Variants in NFIC observed in about 807,000 individuals in gnomAD.
The protein encoded by NFIC is nuclear factor I C, also known as nuclear factor 1 C-type.
A neutral mutation model predicts 54.4 loss-of-function variants in NFIC; 12 were observed. The ratio of observed to expected loss-of-function variants is 0.22; its 90% CI spans 0.14 to 0.36. The LOEUF (loss-of-function observed/expected upper bound fraction) is 0.36. Ranked by LOEUF, NFIC falls within the 10% of genes least tolerant of loss-of-function variation. NFIC has a pLI of 1.00. For synonymous variants in NFIC, 322 were observed against 319.2 expected, an observed-to-expected ratio of 1.01 and a Z score of -0.09; for missense variants, 575 against 718.2, an observed-to-expected ratio of 0.80 and a Z score of 2.28.
intron 9 of NFIC, chr19:3,454,159 C>T (rs950433304): frequency 1.8e-4 from 226 of 1,271,580 alleles, no homozygotes; most frequent in Middle Eastern, 2.9e-4. Flanking sequence ...TCCCCTTCGC[C>T]GAGTCACCTG....
chr19:3,453,722 G>C lies in NFIC; in HGVS notation c.1270-41G>C. On this transcript the variant is annotated intron_variant, in intron 8 of 10. Coordinates refer to ENST00000443272, the MANE Select transcript of NFIC (RefSeq NM_001245002.2). The surrounding 1 kb of genome is among the most constrained non-coding windows in gnomAD (Gnocchi z 6.7). ...CGGCGCCAGCAGCCCGAGGTAGAGG[G>C]GGAGCCCACCCCTTAACCACGTGTC... The C allele has an allele frequency of 6.4e-7, 1 of 1,570,912 alleles. No homozygotes were observed. Among genetic ancestry groups the C allele is most frequent in the South Asian group, 1.2e-5 (1 of 85,196 alleles).
intron 6 of NFIC, among the ~76,000 whole-genome samples, chr19:3,446,131 CAGA>C (rs2082370869): frequency 6.6e-6 from 1 of 152,296 alleles, no homozygotes; most frequent in East Asian, 1.9e-4. Context: ...CACCAGACAC[CAGA>C]AGAAGCTCCT....
chr19:3,460,802 C>T (rs2082628136), intron 10 of NFIC, among the ~76,000 whole-genome samples: 2 of 152,052 alleles, frequency 1.3e-5, no homozygotes, highest in Non-Finnish European at 2.9e-5. Flanking sequence ...GCATGAGCCA[C>T]CGAGCCCAGC....
At chr19:3,438,563 G>T (rs1447799427) in intron 6 of NFIC, among the ~76,000 whole-genome samples, 1 of 150,896 alleles carries the variant, frequency 6.6e-6, no homozygotes, top group African/African-American at 2.4e-5. Flanking sequence ...TCAGCCTCCC[G>T]AGTAGCTGGG....
chr19:3,448,641 C>T (rs1244979064), intron 6 of NFIC, among the ~76,000 whole-genome samples: 2 of 152,170 alleles, frequency 1.3e-5, no homozygotes, highest in Non-Finnish European at 1.5e-5. Flanking sequence ...AACTGGACTT[C>T]GGATCTGACT....
chr19:3,366,696 G>A (rs772154540), intron 1 of NFIC, 30 bp downstream of exon 1: 2 of 1,338,788 alleles, frequency 1.5e-6, no homozygotes, highest in South Asian at 1.9e-5. Flanking sequence ...CCCCGCCGGC[G>A]CCCCCGCGCC....
chr19:3,411,396 C>T (rs1232782051), intron 2 of NFIC, among the ~76,000 whole-genome samples: 4 of 142,682 alleles, frequency 2.8e-5, no homozygotes, highest in Admixed American at 7.4e-5. Context: ...GGCACGATCT[C>T]GGTTCACTGC....
intron 1 of NFIC, among the ~76,000 whole-genome samples, chr19:3,368,116 A>G (rs920237083): frequency 2.0e-5 from 3 of 152,254 alleles, no homozygotes; most frequent in Admixed American, 6.5e-5. Flanking sequence ...TCCAAGAACA[A>G]CTAGGGTTCG....
At position 3,376,688 on chromosome 19, in the gene NFIC, C is replaced by T. The variant is rs76906413; in HGVS notation, c.31-5024C>T. 4.1e-3 allele frequency among the ~76,000 whole-genome samples: 625 copies of T among 152,168 alleles called. 3 individuals carry two copies. Among genetic ancestry groups the T allele is most frequent in the African/African-American group, 0.014 (566 of 41,522 alleles). On this transcript the variant is annotated intron_variant, in intron 1 of 10. Coordinates refer to ENST00000443272, the MANE Select transcript of NFIC (RefSeq NM_001245002.2). ...GTTCAGGGCCCAAGTGACCTAAGAT[C>T]GTGCCACTGCACTCCAGTGAGACGC...
chr19:3,366,316 A>T (rs2080881124), upstream of NFIC, among the ~76,000 whole-genome samples: 1 of 144,822 alleles, frequency 6.9e-6, no homozygotes, highest in Admixed American at 6.8e-5. Flanking sequence ...GTTTCTTTGA[A>T]AGTTGGGTGT....
At chr19:3,403,725 C>T (rs1162308871) in intron 2 of NFIC, among the ~76,000 whole-genome samples, 2 of 152,212 alleles carry the variant, frequency 1.3e-5, no homozygotes, top group Non-Finnish European at 2.9e-5. Flanking sequence ...CCAGCCTTGC[C>T]TCCCGTCCTC....
chr19:3,408,296 CCAAAAGATCAATT>C (rs1568428232), intron 2 of NFIC, among the ~76,000 whole-genome samples: 2 of 152,142 alleles, frequency 1.3e-5, no homozygotes, highest in African/African-American at 4.8e-5. Context: ...CTTCCTACAG[CCAAAAGATCAATT>C]CAATATGGCC....
intron 6 of NFIC, among the ~76,000 whole-genome samples, chr19:3,445,375 G>T (rs1599706481): frequency 6.6e-6 from 1 of 152,200 alleles, no homozygotes; most frequent in African/African-American, 2.4e-5. Flanking sequence ...ATCCCACTGG[G>T]CAGTGGGGCC....
chr19:3,422,127 G>A (rs1474517087), intron 2 of NFIC, among the ~76,000 whole-genome samples: 1 of 151,992 alleles, frequency 6.6e-6, no homozygotes, highest in African/African-American at 2.4e-5. Context: ...GTAGAGATGG[G>A]GTTTCACCAT....
chr19:3,418,364 C>T (rs1219308795), intron 2 of NFIC, among the ~76,000 whole-genome samples: 3 of 151,950 alleles, frequency 2.0e-5, no homozygotes, highest in Admixed American at 6.6e-5. Context: ...TCCAAAGTAC[C>T]GAGATTACAG....
In NFIC at chr19:3,453,994, G is replaced by C; in HGVS notation, c.1423+78G>C. On this transcript the variant is annotated intron_variant, in intron 9 of 10. Transcript: ENST00000443272. This position sits in a 1 kb window ranked among gnomAD's most constrained non-coding sequence, Gnocchi z 6.7. ...TGTCCCCTCCCCAGCCCCACTGCCAGGTCAGAGGTCAGGCCCGACCCTGCA... is the reference window on the plus strand; with the variant it reads ...TGTCCCCTCCCCAGCCCCACTGCCACGTCAGAGGTCAGGCCCGACCCTGCA... 1 of 1,424,080 alleles carries C rather than the reference G, an allele frequency of 7.0e-7. No homozygotes were observed. The highest frequency in any genetic ancestry group is 1.5e-5 in the South Asian group (1 of 65,730). 88.2% of individuals were successfully genotyped at this position (1,424,080 alleles called of 1,614,324 possible).
chr19:3,418,531 T>A (rs2081903705), intron 2 of NFIC, among the ~76,000 whole-genome samples: 1 of 152,180 alleles, frequency 6.6e-6, no homozygotes, highest in African/African-American at 2.4e-5. Context: ...GGTTGAGAAC[T>A]ATTCCCAGGT....
intron 2 of NFIC, among the ~76,000 whole-genome samples, chr19:3,403,213 A>G (rs926823725): frequency 6.6e-6 from 1 of 152,162 alleles, no homozygotes; most frequent in Non-Finnish European, 1.5e-5. Context: ...GAGAGGCCAC[A>G]TGAAAGCTTG....
chr19:3,455,854 C>A (rs1404000538), intron 9 of NFIC, among the ~76,000 whole-genome samples: 1 of 152,142 alleles, frequency 6.6e-6, no homozygotes, highest in African/African-American at 2.4e-5. Context: ...ATTCCACCCC[C>A]CTTTCCCTGC....
Sources: gnomAD v4.1 joint callset for allele counts (sites outside exome capture counted in the v4.1 genomes callset) on GRCh38, gnomAD v4.1.1 for gene constraint, Gnocchi (gnomAD v3.1) non-coding constraint, MANE v1.5 for transcripts, NCBI Gene and HGNC (gene_info 2026-07-23, HGNC 2026-07-21) for gene names.